The following GSN variants were observed in gnomAD, a reference collection of about 807,000 sequenced individuals.
The protein encoded by GSN is gelsolin.
A neutral mutation model predicts 85.7 loss-of-function variants in GSN; 56 were observed. The ratio of observed to expected loss-of-function variants is 0.65; its 90% confidence interval spans 0.53 to 0.82. The LOEUF (loss-of-function observed/expected upper bound fraction) is 0.82, where lower values mean the gene tolerates loss of function less well. Among genes scored for constraint, GSN ranks in the 40% least tolerant of loss-of-function variants. GSN has a pLI of 0.00. For missense variants in GSN, 857 were observed against 979.8 expected, an observed-to-expected ratio of 0.87 and a Z score of 1.67; for synonymous variants, 373 against 399.1, an observed-to-expected ratio of 0.93 and a Z score of 0.78.
At chr9:121,227,299 CAGG>C (rs2054288757) in intron 4 of GSN, among the ~76,000 whole-genome samples, 1 of 151,988 alleles carries the variant, frequency 6.6e-6, no homozygotes, top group East Asian at 1.9e-4. Context: ...GAGGCTGAAA[CAGG>C]AGGATTGCTT....
intron 4 of GSN, among the ~76,000 whole-genome samples, chr9:121,307,163 G>A (rs1483138970): frequency 6.6e-6 from 1 of 151,888 alleles, no homozygotes; most frequent in Non-Finnish European, 1.5e-5. Context: ...CCTGGGCGAT[G>A]GAACGAGACT....
At chr9:121,210,375 A>G (rs779538225) in intron 3 of GSN, 2 of 152,234 alleles carry the variant, frequency 1.3e-5, no homozygotes, top group Non-Finnish European at 2.9e-5. Context: ...AAAGTAGCAC[A>G]CATCACTTAT....
intron 2 of GSN, among the ~76,000 whole-genome samples, chr9:121,293,961 T>A (rs1181651052): frequency 8.1e-6 from 1 of 124,222 alleles, no homozygotes; most frequent in Non-Finnish European, 1.9e-5. Flanking sequence ...CAAAACAACT[T>A]GCTCAAAGCC....
intron 2 of GSN, 184 bp from the exon 3 acceptor site, chr9:121,301,777 ACT>A (rs2059888881): frequency 2.4e-6 from 2 of 829,812 alleles, no homozygotes; most frequent in East Asian, 5.3e-5. Context: ...GAAGCATAAA[ACT>A]CTTGCCCTGT....
Position 121,331,374 on chromosome 9 carries a change from C to T in GSN, c.1966-14C>T, listed in dbSNP as rs772607971. 5 of 1,575,088 alleles carry T rather than the reference C, an allele frequency of 3.2e-6. No homozygotes were observed. The highest frequency in any genetic ancestry group is 1.1e-5 in the South Asian group (1 of 89,300). On this transcript the variant is annotated splice_polypyrimidine_tract_variant and intron_variant, in intron 16 of 17. Coordinates refer to ENST00000432226, the MANE Select transcript of GSN (RefSeq NM_198252.3). ...CACTCCTCATGTACCTTTCCTGTTGCATCTCACCTCCAGGTCTTTGTCTGG... is the reference window on the plus strand; with the variant it reads ...CACTCCTCATGTACCTTTCCTGTTGTATCTCACCTCCAGGTCTTTGTCTGG...
chr9:121,307,956 A>AC (rs2060604229), intron 4 of GSN, among the ~76,000 whole-genome samples: 2 of 151,614 alleles, frequency 1.3e-5, no homozygotes, highest in South Asian at 4.2e-4. Flanking sequence ...CAGCCTTCGG[A>AC]CCCCCTCAGT....
chr9:121,314,009 G>A lies in GSN; in HGVS notation c.739G>A (p.Ala247Thr), dbSNP rs752197819. Residue 247 changes from alanine to threonine, a missense_variant, in exon 7 of 18, where the codon GCC (alanine) becomes ACC (threonine). Transcript: ENST00000432226. The part of the protein sequence containing the change: ...AKEDAANRKL[A>T]KLYKVSNGAG... ...GGAGGATGCGGCCAACCGCAAGCTG[G>A]CCAAGCTCTACAAGGTGAGCACCAG... 1.9e-6 allele frequency: 3 copies of A among 1,613,730 alleles called. No individual in the cohort carries two copies. The highest frequency in any genetic ancestry group is 2.2e-5 in the South Asian group (2 of 91,078).
chr9:121,281,922 G>A (rs1259343103), intron 2 of GSN: 1 of 471,360 alleles, frequency 2.1e-6, no homozygotes, highest in East Asian at 6.9e-5. Context: ...TAAAGAGGAG[G>A]TGCAGGAATT....
At chr9:121,231,887 T>C (rs988524330) in intron 5 of GSN, among the ~76,000 whole-genome samples, 17 of 152,100 alleles carry the variant, frequency 1.1e-4, no homozygotes, top group African/African-American at 4.1e-4. Context: ...GCCTACATGG[T>C]GAAACCCCGT....
intron 4 of GSN, among the ~76,000 whole-genome samples, chr9:121,224,119 C>T (rs537305973): frequency 7.9e-5 from 12 of 152,022 alleles, no homozygotes; most frequent in Non-Finnish European, 1.5e-4. Context: ...TTTTTAGAGA[C>T]GGAGTCTTGC....
intron 5 of GSN, among the ~76,000 whole-genome samples, chr9:121,231,911 A>G (rs80276111): frequency 6.6e-6 from 1 of 152,176 alleles, no homozygotes; most frequent in African/African-American, 2.4e-5. Flanking sequence ...TACTAAAAAT[A>G]TAAAAATTAG....
intron 6 of GSN, among the ~76,000 whole-genome samples, chr9:121,250,287 C>T (rs2054793321): frequency 6.6e-6 from 1 of 151,220 alleles, no homozygotes; most frequent in Non-Finnish European, 1.5e-5. Context: ...TCACTGCAAC[C>T]TCCGCCTCCT....
At chr9:121,331,090 G>A (rs1424047327) in intron 16 of GSN, among the ~76,000 whole-genome samples, 2 of 152,152 alleles carry the variant, frequency 1.3e-5, no homozygotes, top group Non-Finnish European at 2.9e-5. Flanking sequence ...AGGTTTGAAG[G>A]CCCAGGCTGC....
Position 121,332,443 on chromosome 9 carries a change from A to T in GSN, c.2036A>T (p.Tyr679Phe), listed in dbSNP as rs1457643057. The change falls in exon 18 of 18, where the codon TAC becomes TTC. Residue 679 changes from tyrosine to phenylalanine, a missense_variant. Coordinates refer to ENST00000432226, the MANE Select transcript of GSN (RefSeq NM_198252.3). This position sits in a 1 kb window ranked among gnomAD's most constrained non-coding sequence, Gnocchi z 4.8. ...GCACGTGTGTCTGCAGCTAAGCGGTACATCGAGACGGACCCAGCCAATCGG... is the reference window on the plus strand; with the variant it reads ...GCACGTGTGTCTGCAGCTAAGCGGTTCATCGAGACGGACCCAGCCAATCGG... ...KTEALTSAKR[Y>F]IETDPANRDR... is the part of the protein sequence containing the mutation. The T allele has an allele frequency of 6.2e-7, 1 of 1,613,988 alleles. No homozygotes were observed. Among genetic ancestry groups the T allele is most frequent in the East Asian group, 2.2e-5 (1 of 44,876 alleles).
rs189760328 is a variant in GSN at position 121,226,005 on chromosome 9, G to A, written c.-527-5160G>A. ...TTTTTAGTAGAGACGGGGTTTCACCGTATTGGCCAGGCTGGTCTCGAACTC... is the reference window on the plus strand; with the variant it reads ...TTTTTAGTAGAGACGGGGTTTCACCATATTGGCCAGGCTGGTCTCGAACTC... On this transcript the variant is annotated intron_variant, in intron 4 of 24. Coordinates refer to the GSN transcript ENST00000373823. Among the ~76,000 whole-genome samples the A allele has an allele frequency of 6.0e-3, 909 of 152,188 alleles. 6 individuals carry two copies. The highest frequency in any genetic ancestry group is 8.6e-3 in the Non-Finnish European group (584 of 67,990).
At chr9:121,270,671 G>A (rs576982080) in intron 1 of GSN, among the ~76,000 whole-genome samples, 3 of 152,176 alleles carry the variant, frequency 2.0e-5, no homozygotes, top group South Asian at 2.1e-4. Flanking sequence ...CCCAGAGGTC[G>A]CCACTGTTAA....
At chr9:121,297,245 G>C (rs1426172146) in intron 2 of GSN, among the ~76,000 whole-genome samples, 1 of 152,212 alleles carries the variant, frequency 6.6e-6, no homozygotes, top group Admixed American at 6.5e-5. Flanking sequence ...AGTTTCAAAT[G>C]CTACGGCAAT....
At chr9:121,297,091 G>A (rs1250704889) in intron 2 of GSN, among the ~76,000 whole-genome samples, 2 of 152,204 alleles carry the variant, frequency 1.3e-5, no homozygotes, top group Admixed American at 6.5e-5. Context: ...TGGGGGCTGG[G>A]CAGCTAAGAA....
intron 4 of GSN, among the ~76,000 whole-genome samples, chr9:121,221,499 T>C (rs2054169336): frequency 6.6e-6 from 1 of 152,196 alleles, no homozygotes; most frequent in Admixed American, 6.5e-5. Flanking sequence ...GTGCCATGTT[T>C]CTCTGGGACA....
Sources: allele counts gnomAD v4.1 joint callset (sites outside exome capture counted in the v4.1 genomes callset), GRCh38; gene constraint gnomAD v4.1.1; non-coding constraint Gnocchi (gnomAD v3.1); transcripts MANE v1.5; gene names NCBI Gene and HGNC (gene_info 2026-07-23, HGNC 2026-07-21).